The following WWOX variants were observed in gnomAD, a reference collection of about 807,000 sequenced individuals.
WWOX encodes the protein WW domain containing oxidoreductase, also known as WW domain-containing oxidoreductase.
A neutral mutation model predicts 46.2 loss-of-function variants in WWOX; 69 were observed. That is an observed-to-expected ratio of 1.49 (90% CI 1.23 to 1.82). The LOEUF is 1.82. Among genes scored for constraint, WWOX ranks in the 40% most tolerant of loss-of-function variants. WWOX has a pLI of 0.00. For missense variants in WWOX, 919 were observed against 542.6 expected, an observed-to-expected ratio of 1.69 and a Z score of -6.89; for synonymous variants, 359 against 202.6, an observed-to-expected ratio of 1.77 and a Z score of -6.56.
chr16:78,771,474 A>G (rs1686207201), intron 8 of WWOX, among the ~76,000 whole-genome samples: 2 of 152,200 alleles, frequency 1.3e-5, no homozygotes, highest in South Asian at 4.1e-4. Context: ...TTGTATCCTT[A>G]AAAATGCTTA....
In WWOX at chr16:78,956,948, C is replaced by G. The variant is rs139427174; in HGVS notation, c.1057-254660C>G. On this transcript the variant is annotated intron_variant, in intron 8 of 8. Transcript: ENST00000566780. ...TGCTACTGTCACTTCTGAGTAGTTG[C>G]AGTCCCTCCCAGTACGTGGGTATCT... 5.9e-5 allele frequency among the ~76,000 whole-genome samples: 9 copies of G among 152,348 alleles called. No individual in the cohort carries two copies. In the East Asian group the frequency reaches 1.7e-3, roughly 29 times the overall value.
chr16:78,811,037 G>T (rs1300858411), intron 8 of WWOX, among the ~76,000 whole-genome samples: 5 of 152,160 alleles, frequency 3.3e-5, no homozygotes, highest in Non-Finnish European at 5.9e-5. Context: ...TATTTCAGAG[G>T]TTTATAAAGG....
intron 8 of WWOX, among the ~76,000 whole-genome samples, chr16:78,606,165 A>G (rs2045751682): frequency 6.6e-6 from 1 of 152,220 alleles, no homozygotes; most frequent in African/African-American, 2.4e-5. Context: ...GTCAAAATTT[A>G]CCACTGGGCT....
At chr16:78,627,962 G>T (rs1304897527) in intron 8 of WWOX, among the ~76,000 whole-genome samples, 1 of 152,222 alleles carries the variant, frequency 6.6e-6, no homozygotes. Context: ...TGAGAGCTCT[G>T]TTGACAAACT....
chr16:78,613,941 C>T (rs1208078648), intron 8 of WWOX, among the ~76,000 whole-genome samples: 10 of 152,186 alleles, frequency 6.6e-5, no homozygotes, highest in Admixed American at 6.5e-4. Flanking sequence ...ACAGCTGTAC[C>T]TGTTGGTTTA....
intron 8 of WWOX, among the ~76,000 whole-genome samples, chr16:78,529,715 C>T (rs1172462859): frequency 6.6e-6 from 1 of 152,072 alleles, no homozygotes; most frequent in Non-Finnish European, 1.5e-5. Flanking sequence ...GATCCACCCA[C>T]CTCGGCCTCC....
chr16:79,166,400 G>C (rs752767112), intron 8 of WWOX, among the ~76,000 whole-genome samples: 8 of 151,916 alleles, frequency 5.3e-5, no homozygotes, highest in Non-Finnish European at 1.0e-4. Context: ...CTTCCCTTTT[G>C]CCTCCTCTTT....
intron 8 of WWOX, among the ~76,000 whole-genome samples, chr16:78,439,171 T>G (rs2083394578): frequency 6.6e-6 from 1 of 152,220 alleles, no homozygotes. Flanking sequence ...ACAGGCTTTC[T>G]GTTGCGAGGG....
chr16:78,800,874 T>C (rs2050868166), intron 8 of WWOX, among the ~76,000 whole-genome samples: 1 of 152,196 alleles, frequency 6.6e-6, no homozygotes, highest in South Asian at 2.1e-4. Context: ...CTCAGTCTGA[T>C]AGTTTAGAAA....
intron 8 of WWOX, among the ~76,000 whole-genome samples, chr16:78,739,435 C>T (rs28449306): frequency 0.15 from 22,663 of 152,088 alleles, 2,086 homozygotes; most frequent in African/African-American, 0.25. Context: ...TACACATCTT[C>T]GGTTCCTCCA....
intron 5 of WWOX, among the ~76,000 whole-genome samples, chr16:78,356,338 G>C (rs899326247): frequency 6.6e-6 from 1 of 151,552 alleles, no homozygotes; most frequent in Non-Finnish European, 1.5e-5. Context: ...TACTCAACTT[G>C]TTTAAAATAA....
At chr16:78,283,311 C>T (rs2079712191) in intron 5 of WWOX, among the ~76,000 whole-genome samples, 1 of 152,164 alleles carries the variant, frequency 6.6e-6, no homozygotes, top group South Asian at 2.1e-4. Context: ...ATTTACTGAC[C>T]TGCTCCCCAC....
intron 8 of WWOX, among the ~76,000 whole-genome samples, chr16:79,038,683 G>A (rs966506798): frequency 2.6e-5 from 4 of 152,034 alleles, no homozygotes; most frequent in African/African-American, 9.7e-5. Context: ...CCAAGTAGCT[G>A]GGATTACAGG....
intron 8 of WWOX, among the ~76,000 whole-genome samples, chr16:78,634,941 G>C (rs1473533634): frequency 6.6e-6 from 1 of 151,724 alleles, no homozygotes; most frequent in Non-Finnish European, 1.5e-5. Flanking sequence ...TGAACGAGGA[G>C]GAGGGAAAGG....
In WWOX at chr16:78,262,520, T is replaced by G. The variant is rs144609996; in HGVS notation, c.516+98231T>G. Among the ~76,000 whole-genome samples, 376 of 152,332 alleles carry G rather than the reference T, an allele frequency of 2.5e-3. 2 individuals carry two copies. Among genetic ancestry groups the G allele is most frequent in the African/African-American group, 8.5e-3 (354 of 41,584 alleles). ...TTTCAGAGATGATAATGGGGGCAGA[T>G]GCAGCCATTCAGTTGACTTCCTGTG... On this transcript the variant is annotated intron_variant, in intron 5 of 8. Coordinates refer to ENST00000566780, the MANE Select transcript of WWOX (RefSeq NM_016373.4).
chr16:78,664,041 A>C (rs1347383723), intron 8 of WWOX, among the ~76,000 whole-genome samples: 4 of 152,198 alleles, frequency 2.6e-5, no homozygotes, highest in Non-Finnish European at 5.9e-5. Flanking sequence ...ACATAATTTG[A>C]ATCATGGTTT....
At position 78,181,648 on chromosome 16, in the gene WWOX, G is replaced by T. The variant is rs72806803; in HGVS notation, c.516+17359G>T. Among the ~76,000 whole-genome samples the T allele has an allele frequency of 3.3e-5, 5 of 152,148 alleles. No individual in the cohort carries two copies. The East Asian group carries it at 9.7e-4, about 29-fold the overall frequency. Reference sequence around the variant, plus strand: ...TTGACGAAATTTTCTAATTGACTGGGGTTACTTAATACCAGATAATATTTT... The same window carrying T: ...TTGACGAAATTTTCTAATTGACTGGTGTTACTTAATACCAGATAATATTTT... On this transcript the variant is annotated intron_variant, in intron 5 of 8. Transcript: ENST00000566780.
At chr16:79,132,483 T>A (rs2049900292) in intron 8 of WWOX, among the ~76,000 whole-genome samples, 1 of 152,080 alleles carries the variant, frequency 6.6e-6, no homozygotes, top group South Asian at 2.1e-4. Context: ...TTTGGGAGAG[T>A]TACTTGCCAC....
intron 8 of WWOX, among the ~76,000 whole-genome samples, chr16:79,054,527 TAA>T (rs2048227017): frequency 1.3e-5 from 2 of 152,162 alleles, no homozygotes; most frequent in South Asian, 4.1e-4. Context: ...TTACAGATTT[TAA>T]AAGAGTGATG....
Sources: allele counts gnomAD v4.1 joint callset (sites outside exome capture counted in the v4.1 genomes callset), GRCh38; gene constraint gnomAD v4.1.1; transcripts MANE v1.5; gene names NCBI Gene and HGNC (gene_info 2026-07-23, HGNC 2026-07-21).